STAB2: variants seen among roughly 807,000 people sequenced by gnomAD.
STAB2 encodes the protein stabilin-2.
A neutral mutation model predicts 338.1 loss-of-function variants in STAB2; 288 were observed. The ratio of observed to expected loss-of-function variants is 0.85; its 90% confidence interval spans 0.77 to 0.94. The LOEUF is 0.94. STAB2 is among the 40% of genes least tolerant of loss of function. STAB2 has a pLI of 0.00. For synonymous variants in STAB2, 1,202 were observed against 1,193.3 expected (o/e 1.01, Z -0.15); for missense variants, 3,141 against 3,210.1 (o/e 0.98, Z 0.52).
At chr12:103,695,146 A>T (rs1566022063) in intron 31 of STAB2, among the ~76,000 whole-genome samples, 2 of 152,228 alleles carry the variant, frequency 1.3e-5, no homozygotes, top group African/African-American at 4.8e-5. Context: ...CTAAAGAATA[A>T]ACACACGAAT....
At chr12:103,655,192 G>T (rs143870025) in intron 13 of STAB2, 59 bp from the exon 14 acceptor site, 3 of 1,488,846 alleles carry the variant, frequency 2.0e-6, no homozygotes, top group South Asian at 2.4e-5. Flanking sequence ...GTTAGAATTT[G>T]TATTTCCTAA....
In STAB2 at chr12:103,725,970, T is replaced by C. The variant is rs140156766; in HGVS notation, c.4804-146T>C. 1.2e-3 allele frequency: 806 copies of C among 667,802 alleles called. 5 individuals carry two copies. In the African/African-American group the frequency reaches 0.013, roughly 11 times the overall value. The allele number at this position is 667,802 out of a possible 1,614,324, so 41.4% of individuals were successfully genotyped here. A position where few individuals can be genotyped will look rare whatever the true frequency, so the allele number is the denominator to read the frequency against. ...TCCACATAGTCATTCTGAACGTTAA[T>C]TGTCAGCCTACAGATGAAGCTCCAA... On this transcript the variant is annotated intron_variant, in intron 45 of 68. Coordinates refer to ENST00000388887, the MANE Select transcript of STAB2 (RefSeq NM_017564.10).
intron 48 of STAB2, among the ~76,000 whole-genome samples, chr12:103,729,895 T>C (rs1193521620): frequency 1.3e-5 from 2 of 152,218 alleles, no homozygotes; most frequent in African/African-American, 4.8e-5. Flanking sequence ...GAAATTACTG[T>C]TTTAGATGAT....
rs202180354 is a variant in STAB2 at position 103,763,655 on chromosome 12, G to A, written c.7605+47G>A. 55 of 1,506,612 alleles carry A rather than the reference G, an allele frequency of 3.7e-5. No individual in the cohort carries two copies. In the Middle Eastern group the frequency reaches 8.6e-4, roughly 24 times the overall value. The allele number at this position is 1,506,612 out of a possible 1,614,324, so 93.3% of individuals were successfully genotyped here. A position where few individuals can be genotyped will look rare whatever the true frequency, so the allele number is the denominator to read the frequency against. On this transcript the variant is annotated intron_variant, in intron 68 of 68. Transcript: ENST00000388887. ...GGAATAGGTTCCCTTGGGGTACAGG[G>A]GAATGATGTCTTTTAGGAAATTTCA...
At chr12:103,625,085 T>G (rs1230152924) in intron 5 of STAB2, among the ~76,000 whole-genome samples, 3 of 152,204 alleles carry the variant, frequency 2.0e-5, no homozygotes, top group African/African-American at 7.2e-5. Flanking sequence ...CCCTGCCATT[T>G]AAGAATTTAA....
chr12:103,708,357 C>T, intron 38 of STAB2, 84 bp from the exon 39 acceptor site: 2 of 1,371,642 alleles, frequency 1.5e-6, no homozygotes, highest in Non-Finnish European at 2.1e-6. Context: ...GAATTAAGTG[C>T]AATAAAGCAA....
At position 103,742,438 on chromosome 12, in the gene STAB2, A is replaced by C. The variant is rs200458766; in HGVS notation, c.5915A>C (p.Asn1972Thr). The C allele has an allele frequency of 6.8e-6, 11 of 1,614,068 alleles. No individual in the cohort carries two copies. The African/African-American group carries it at 9.3e-5, about 14-fold the overall frequency. ...CPGGPDAPCN[N>T]RGVCLDQYSA... ...GGAGGACCAGATGCCCCGTGTAATAACCGGGGTGTCTGCCTTGATCAGTAC... is the reference window on the plus strand; with the variant it reads ...GGAGGACCAGATGCCCCGTGTAATACCCGGGGTGTCTGCCTTGATCAGTAC... The change falls in exon 56 of 69, where the codon AAC becomes ACC. Residue 1972 changes from asparagine (N) to threonine (T), a missense_variant. By Grantham distance (65) the Asn-to-Thr change is moderately conservative. Coordinates refer to ENST00000388887, the MANE Select transcript of STAB2 (RefSeq NM_017564.10).
chr12:103,633,597 G>A (rs1169739942), intron 6 of STAB2, among the ~76,000 whole-genome samples: 3 of 152,186 alleles, frequency 2.0e-5, no homozygotes, highest in Admixed American at 6.5e-5. Flanking sequence ...CGGGAGAATC[G>A]CTCGAACCCG....
At chr12:103,727,531 G>A (rs531591455) in intron 47 of STAB2, among the ~76,000 whole-genome samples, 181 bp downstream of exon 47, 1 of 152,348 alleles carries the variant, frequency 6.6e-6, no homozygotes, top group South Asian at 2.1e-4. Context: ...AAACATTCAG[G>A]TGGATTTGGG....
Position 103,740,688 on chromosome 12 carries a change from G to A in STAB2, c.5813G>A (p.Arg1938Gln), listed in dbSNP as rs568993020. The A allele has an allele frequency of 6.0e-4, 961 of 1,611,386 alleles. 13 individuals carry two copies. The South Asian group carries it at 9.4e-3, about 16-fold the overall frequency. Residue 1938 changes from arginine (R) to glutamine (Q), a missense_variant, in exon 55 of 69, where the codon CGG becomes CAG. Arg to Gln is a conservative substitution (Grantham distance 43). Transcript: ENST00000388887. ...LPFKRNLEGC[R>Q]ERCSLVIQIP... ...TTCAAGAGGAACCTGGAAGGCTGCC[G>A]GGAGCGGTGCAGCCTGGTGATACAG...
chr12:103,613,402 C>G (rs186545846), intron 3 of STAB2, among the ~76,000 whole-genome samples: 2,629 of 152,294 alleles, frequency 0.017, 70 homozygotes, highest in African/African-American at 0.06. Flanking sequence ...GCCTCTCCCC[C>G]AGCCTCGCTG....
rs1273016632 is a variant in STAB2 at position 103,677,584 on chromosome 12, A to G, written c.2778A>G (p.Ala926=). ...GTGCAGGCGGCTGCCACGACAACGC[A>G]TCCTGTTTGTATGTGGGTCCCGGGC... The part of the protein sequence containing the change: ...LPSAGGCHDN[A]SCLYVGPGQN... The change falls in exon 25 of 69, where the codon GCA becomes GCG. Residue 926 remains alanine, a synonymous_variant. Transcript: ENST00000388887. 1.2e-6 allele frequency: 2 copies of G among 1,613,858 alleles called. No individual in the cohort carries two copies. The highest frequency in any genetic ancestry group is 1.3e-5 in the African/African-American group (1 of 74,946).
intron 3 of STAB2, among the ~76,000 whole-genome samples, chr12:103,602,908 G>A (rs1438720282): frequency 6.6e-6 from 1 of 152,112 alleles, no homozygotes; most frequent in African/African-American, 2.4e-5. Context: ...AGGTTCAAAT[G>A]TATCATGCTT....
At chr12:103,607,116 G>T (rs1220448327) in intron 3 of STAB2, among the ~76,000 whole-genome samples, 8 of 152,098 alleles carry the variant, frequency 5.3e-5, no homozygotes, top group Non-Finnish European at 1.2e-4. Flanking sequence ...CTGGTTCTAA[G>T]GAATTTTATT....
intron 2 of STAB2, among the ~76,000 whole-genome samples, chr12:103,592,445 A>G (rs1456885384): frequency 6.6e-6 from 1 of 152,162 alleles, no homozygotes; most frequent in Non-Finnish European, 1.5e-5. Flanking sequence ...GCATTCAGAA[A>G]TGTTTTAGAT....
At chr12:103,592,373 G>T (rs1991436) in intron 2 of STAB2, 2 of 151,928 alleles carry the variant, frequency 1.3e-5, no homozygotes, top group Non-Finnish European at 2.9e-5. Flanking sequence ...ACTTGGTTAT[G>T]TTCCAATACA....
intron 25 of STAB2, among the ~76,000 whole-genome samples, chr12:103,682,902 C>T (rs183957691): frequency 6.6e-6 from 1 of 152,204 alleles, no homozygotes; most frequent in Non-Finnish European, 1.5e-5. Flanking sequence ...GAGCCAAGAT[C>T]ATGCTATTGC....
intron 31 of STAB2, among the ~76,000 whole-genome samples, chr12:103,694,977 G>C (rs919669761): frequency 2.6e-5 from 4 of 151,968 alleles, no homozygotes; most frequent in African/African-American, 9.7e-5. Flanking sequence ...CTGTGTGTCT[G>C]CAGAAATTCA....
chr12:103,640,479 A>T (rs1303369039), intron 9 of STAB2, among the ~76,000 whole-genome samples: 2 of 152,188 alleles, frequency 1.3e-5, no homozygotes, highest in African/African-American at 2.4e-5. Flanking sequence ...ATACTCTGGA[A>T]TATTGTTGTG....
Sources: gnomAD v4.1 joint callset for allele counts (sites outside exome capture counted in the v4.1 genomes callset) on GRCh38, gnomAD v4.1.1 for gene constraint, MANE v1.5 for transcripts, NCBI Gene and HGNC (gene_info 2026-07-23, HGNC 2026-07-21) for gene names.